Variants in PDE4D observed in about 807,000 individuals in gnomAD.
The protein encoded by PDE4D is phosphodiesterase 4D, also known as 3',5'-cyclic-AMP phosphodiesterase 4D.
A neutral mutation model predicts 87.4 loss-of-function variants in PDE4D; 24 were observed. The observed-to-expected ratio is 0.27, with a 90% CI of 0.20 to 0.39. PDE4D has a LOEUF of 0.39. PDE4D is among the 10% of genes least tolerant of loss of function. The pLI, the probability that PDE4D is intolerant of heterozygous loss-of-function variation, is 1.00. For synonymous variants in PDE4D, 384 were observed against 383.2 expected (o/e 1.00, Z -0.02); for missense variants, 714 against 1,041.0 (o/e 0.69, Z 4.32).
intron 5 of PDE4D, among the ~76,000 whole-genome samples, chr5:59,144,790 A>G (rs1006448750): frequency 6.7e-6 from 1 of 149,318 alleles, no homozygotes; most frequent in East Asian, 2.0e-4. Context: ...TCAAGCCAAA[A>G]TATCAGCCTA....
At chr5:59,751,574 GGTGTGTGTGTGTGTGTGTGTGTGTGT>G (rs57407769) in intron 1 of PDE4D, among the ~76,000 whole-genome samples, 1 of 142,630 alleles carries the variant, frequency 7.0e-6, no homozygotes, top group Admixed American at 7.0e-5. Flanking sequence ...ATAAATCCCT[GGTGTGTGTGTGTGTGTGTGTGTGTGT>G]GTGTGTGTGT....
chr5:59,952,474 C>A (rs1322925662), intron 3 of PDE4D, among the ~76,000 whole-genome samples: 1 of 152,188 alleles, frequency 6.6e-6, no homozygotes, highest in African/African-American at 2.4e-5. Context: ...CCTCCCATAG[C>A]ATATTATATT....
intron 2 of PDE4D, among the ~76,000 whole-genome samples, chr5:60,004,621 T>C (rs1764304064): frequency 6.6e-6 from 1 of 152,064 alleles, no homozygotes; most frequent in South Asian, 2.1e-4. Context: ...TACAACTCAA[T>C]AGCAAACACT....
chr5:58,998,801 G>A (rs921973032), intron 6 of PDE4D, among the ~76,000 whole-genome samples: 2 of 152,042 alleles, frequency 1.3e-5, no homozygotes, highest in African/African-American at 4.8e-5. Flanking sequence ...GACTGAATAA[G>A]GTTTTTCTAC....
intron 5 of PDE4D, among the ~76,000 whole-genome samples, chr5:59,131,041 C>T (rs1253590653): frequency 2.6e-5 from 4 of 152,200 alleles, no homozygotes; most frequent in Non-Finnish European, 4.4e-5. Context: ...TTTTCTATTT[C>T]ATCCAGCTAG....
At chr5:60,410,382 G>T (rs531660314) in intron 1 of PDE4D, among the ~76,000 whole-genome samples, 1 of 151,988 alleles carries the variant, frequency 6.6e-6, no homozygotes, top group African/African-American at 2.4e-5. Flanking sequence ...GAGAAACCTG[G>T]AAAATCCTGG....
chr5:60,109,204 A>G (rs1009221670), intron 2 of PDE4D, among the ~76,000 whole-genome samples: 15 of 152,260 alleles, frequency 9.9e-5, no homozygotes, highest in African/African-American at 3.1e-4. Flanking sequence ...GGCGAAGGCC[A>G]TGAACAGACA....
chr5:59,565,330 G>A (rs1820695327), intron 1 of PDE4D, among the ~76,000 whole-genome samples: 1 of 152,010 alleles, frequency 6.6e-6, no homozygotes, highest in South Asian at 2.1e-4. Flanking sequence ...ACCAACTTGG[G>A]CAACATGGAA....
intron 1 of PDE4D, among the ~76,000 whole-genome samples, chr5:59,309,662 T>C (rs979250910): frequency 3.9e-5 from 6 of 152,122 alleles, no homozygotes; most frequent in African/African-American, 1.4e-4. Flanking sequence ...GGTGTGTGGG[T>C]CCTCTCAAGG....
At chr5:59,841,469 C>G (rs1288677239) in intron 1 of PDE4D, among the ~76,000 whole-genome samples, 1 of 152,018 alleles carries the variant, frequency 6.6e-6, no homozygotes, top group Non-Finnish European at 1.5e-5. Flanking sequence ...TTTATATTTC[C>G]TAATGCTCAG....
At chr5:59,946,806 A>G (rs1031187753) in intron 3 of PDE4D, among the ~76,000 whole-genome samples, 13 of 152,350 alleles carry the variant, frequency 8.5e-5, no homozygotes, top group African/African-American at 2.6e-4. Flanking sequence ...TTAATGAGCT[A>G]TCATGATACC....
At chr5:59,968,481 C>T (rs1178995865) in intron 3 of PDE4D, among the ~76,000 whole-genome samples, 1 of 152,008 alleles carries the variant, frequency 6.6e-6, no homozygotes, top group Admixed American at 6.6e-5. Flanking sequence ...GTACTATGCT[C>T]ACTATCAGGG....
At chr5:59,909,148 A>G (rs1425142173) in intron 3 of PDE4D, among the ~76,000 whole-genome samples, 1 of 152,146 alleles carries the variant, frequency 6.6e-6, no homozygotes, top group African/African-American at 2.4e-5. Flanking sequence ...TTCCTTCACT[A>G]TATCTCTACC....
At chr5:60,131,733 C>G (rs1042331327) in intron 2 of PDE4D, among the ~76,000 whole-genome samples, 3 of 152,188 alleles carry the variant, frequency 2.0e-5, no homozygotes, top group Admixed American at 2.0e-4. Flanking sequence ...GAATAGTAAA[C>G]TAAATAAATG....
At chr5:59,903,730 C>T (rs1752527724) in intron 3 of PDE4D, among the ~76,000 whole-genome samples, 1 of 152,152 alleles carries the variant, frequency 6.6e-6, no homozygotes. Context: ...CAAGGACACA[C>T]AGACAGCAAG....
At chr5:59,643,695 C>T (rs1048741022) in intron 1 of PDE4D, among the ~76,000 whole-genome samples, 2 of 152,176 alleles carry the variant, frequency 1.3e-5, no homozygotes, top group African/African-American at 4.8e-5. Flanking sequence ...CATCGATTTA[C>T]ATTTACATCT....
intron 1 of PDE4D, among the ~76,000 whole-genome samples, chr5:59,490,045 T>G (rs973119572): frequency 3.9e-5 from 6 of 152,198 alleles, no homozygotes; most frequent in Non-Finnish European, 5.9e-5. Flanking sequence ...ACTTCCAGTA[T>G]AGTAAAAATA....
chr5:59,900,239 C>CAAA (rs369200356), intron 3 of PDE4D, among the ~76,000 whole-genome samples: 1,941 of 118,100 alleles, frequency 0.016, 34 homozygotes, highest in Middle Eastern at 0.034. Context: ...GACTCCATAT[C>CAAA]AAAAAAAAAT....
chr5:60,191,227 G>C (rs998982540), intron 1 of PDE4D, among the ~76,000 whole-genome samples: 1 of 151,476 alleles, frequency 6.6e-6, no homozygotes, highest in Admixed American at 6.6e-5. Context: ...TTCAATAATT[G>C]TTTTATGGGT....
Sources: gnomAD v4.1 joint callset for allele counts (sites outside exome capture counted in the v4.1 genomes callset) on GRCh38, gnomAD v4.1.1 for gene constraint, MANE v1.5 for transcripts, NCBI Gene and HGNC (gene_info 2026-07-23, HGNC 2026-07-21) for gene names.